The following HMG20B variants were observed in gnomAD, a reference collection of about 807,000 sequenced individuals.
The protein encoded by HMG20B is SWI/SNF-related matrix-associated actin-dependent regulator of chromatin subfamily E member 1-related.
HMG20B carries 24 observed loss-of-function variants against 41.6 expected under a neutral mutation model. That is an observed-to-expected ratio of 0.58 (90% CI 0.42 to 0.81). The LOEUF is 0.81. Among genes scored for constraint, HMG20B ranks in the 30% least tolerant of loss-of-function variants. HMG20B has a pLI of 0.00. For synonymous variants in HMG20B, 251 were observed against 186.6 expected (o/e 1.34, Z -2.81); for missense variants, 461 against 444.0 (o/e 1.04, Z -0.34).
chr19:3,577,819 C>G (rs1168584636), intron 8 of HMG20B, among the ~76,000 whole-genome samples, 162 bp from the exon 9 acceptor site: 1 of 151,724 alleles, frequency 6.6e-6, no homozygotes, highest in East Asian at 2.0e-4. Context: ...ATCCTCCTGC[C>G]CCGGCTTACC....
intron 5 of HMG20B, 182 bp downstream of exon 5, chr19:3,575,842 G>A (rs2032146535): frequency 1.8e-6 from 1 of 553,352 alleles, no homozygotes; most frequent in Admixed American, 3.1e-5. Context: ...TACTCGGGAG[G>A]CTGAGGCAGG....
At position 3,577,975 on chromosome 19, in the gene HMG20B, CCCCAGGCACGGGCGAAACG is replaced by C; in HGVS notation, c.809-1_826del. Reference sequence around the variant, plus strand: ...CCCTCGCCTGACCTTCCCGCCTGTCCCCCAGGCACGGGCGAAACGCCCACGCTGGGCACTCTGGACTTCT... The same window carrying C: ...CCCTCGCCTGACCTTCCCGCCTGTCCCCCACGCTGGGCACTCTGGACTTCT... On this transcript the variant is annotated splice_acceptor_variant and splice_polypyrimidine_tract_variant and coding_sequence_variant and intron_variant, in exon 9 of 10. Transcript: ENST00000333651. LOFTEE classifies it high-confidence loss of function. 1 of 1,590,000 alleles carries C rather than the reference CCCCAGGCACGGGCGAAACG, an allele frequency of 6.3e-7. No homozygotes were observed. The highest frequency in any genetic ancestry group is 8.5e-7 in the Non-Finnish European group (1 of 1,171,442).
intron 9 of HMG20B, 31 bp downstream of exon 9, chr19:3,578,144 G>C: frequency 6.2e-7 from 1 of 1,602,674 alleles, no homozygotes; most frequent in Non-Finnish European, 8.5e-7. Context: ...GGCGGGGCCG[G>C]GGTTCAAGGC....
intron 1 of HMG20B, 126 bp from the exon 2 acceptor site, chr19:3,573,166 T>G: frequency 1.4e-6 from 1 of 712,038 alleles, no homozygotes; most frequent in Non-Finnish European, 2.1e-6. Flanking sequence ...TCCCTGCCCC[T>G]GGATCCGGCC....
chr19:3,577,186 CTTCCCCTG>C, intron 8 of HMG20B, 79 bp downstream of exon 8: 2 of 1,081,520 alleles, frequency 1.8e-6, no homozygotes, highest in Non-Finnish European at 1.3e-6. Flanking sequence ...CCCTTCCCCC[CTTCCCCTG>C]TCGCCCGGCG....
intron 3 of HMG20B, 106 bp downstream of exon 3, chr19:3,573,906 A>C: frequency 9.2e-7 from 1 of 1,084,960 alleles, no homozygotes; most frequent in Non-Finnish European, 1.4e-6. Context: ...CCCACAGCCC[A>C]TTTTCCTCTG....
Position 3,574,466 on chromosome 19 carries a change from C to T in HMG20B, c.231C>T (p.Tyr77=), listed in dbSNP as rs200359039. Residue 77 remains tyrosine (Y), a synonymous_variant, in exon 4 of 10, where the codon TAC becomes TAT. Transcript: ENST00000333651. ...PNGPKAPVTG[Y]VRFLNERREQ... ...GGCCCAAGGCACCGGTCACGGGCTA[C>T]GTGCGCTTCCTGAACGAGCGGCGCG... The T allele has an allele frequency of 1.7e-4, 273 of 1,609,144 alleles. No individual in the cohort carries two copies. In the African/African-American group the frequency reaches 3.3e-3, roughly 19 times the overall value.
chr19:3,578,919 T>G lies in HMG20B; in HGVS notation c.*398T>G. ...ATAGGCCACACAGGAAGCTGCCTTG[T>G]GGGGACTTACCTGGGGTGTCCCCCG... On this transcript the variant is annotated 3_prime_UTR_variant, in exon 10 of 10. Coordinates refer to ENST00000333651, the MANE Select transcript of HMG20B (RefSeq NM_006339.3). 1 of 477,084 alleles carries G rather than the reference T, an allele frequency of 2.1e-6. No individual in the cohort carries two copies. The allele number at this position is 477,084 out of a possible 1,614,324, so 29.6% of individuals were successfully genotyped here. A position where few individuals can be genotyped will look rare whatever the true frequency, so the allele number is the denominator to read the frequency against.
rs906212851 is a variant in HMG20B at position 3,578,584 on chromosome 19, C to T, written c.*63C>T. On this transcript the variant is annotated 3_prime_UTR_variant, in exon 10 of 10. Coordinates refer to ENST00000333651, the MANE Select transcript of HMG20B (RefSeq NM_006339.3). ...GGCGCGGCCCTGCCACACCCCACCCCGTGGACGAGAGGCTGGGGGTCCACC... is the reference window on the plus strand; with the variant it reads ...GGCGCGGCCCTGCCACACCCCACCCTGTGGACGAGAGGCTGGGGGTCCACC... 6.5e-7 allele frequency: 1 copy of T among 1,548,382 alleles called. No homozygotes were observed. The highest frequency in any genetic ancestry group is 8.7e-7 in the Non-Finnish European group (1 of 1,144,864).
Position 3,574,527 on chromosome 19 carries a change from C to G in HMG20B, c.292C>G (p.Pro98Ala), listed in dbSNP as rs1484036190. 1.2e-6 allele frequency: 2 copies of G among 1,606,022 alleles called. No homozygotes were observed. Among genetic ancestry groups the G allele is most frequent in the South Asian group, 1.1e-5 (1 of 90,004 alleles). Residue 98 changes from proline (P) to alanine (A), a missense_variant, in exon 4 of 10, where the codon CCC becomes GCC. Physicochemically the swap from Pro to Ala is conservative, Grantham distance 27. This residue lies in a region of HMG20B where 49 missense variants were observed against 84.1 expected (regional missense o/e 0.58). Coordinates refer to ENST00000333651, the MANE Select transcript of HMG20B (RefSeq NM_006339.3). ...CACGCGCCACCCGGATCTGCCCTTT[C>G]CCGAGATCACCAAGATGCTGGGCGC... ...IRTRHPDLPF[P>A]EITKMLGAEW...
rs1178264602 is a variant in HMG20B, at chr19:3,577,106, G to A, written c.807G>A (p.Pro269=). 2.0e-6 allele frequency: 3 copies of A among 1,528,194 alleles called. No individual in the cohort carries two copies. The highest frequency in any genetic ancestry group is 1.4e-5 in the African/African-American group (1 of 72,640). 94.7% of individuals were successfully genotyped at this position (1,528,194 alleles called of 1,614,324 possible). ...LTASFASLPV[P]GTGETPTLGT... ...CCAGCTTCGCCTCACTGCCGGTGCC[G>A]GGTGCGGGCCACGCCCATCTCCCAG... Residue 269 remains proline, a splice_region_variant and synonymous_variant, in exon 8 of 10, where the codon CCG becomes CCA. Transcript: ENST00000333651.
intron 2 of HMG20B, 76 bp downstream of exon 2, chr19:3,573,423 G>C: frequency 7.2e-7 from 1 of 1,396,960 alleles, no homozygotes; most frequent in Non-Finnish European, 9.5e-7. Flanking sequence ...CCCTGACCCA[G>C]TCCCTCCCGC....
chr19:3,573,638 T>C, intron 2 of HMG20B, 54 bp from the exon 3 acceptor site: 2 of 1,413,134 alleles, frequency 1.4e-6, no homozygotes, highest in Non-Finnish European at 1.9e-6. Context: ...GGGTGGGCTT[T>C]TGGGGGAGGG....
chr19:3,574,638 C>T, intron 4 of HMG20B, 52 bp downstream of exon 4: 1 of 1,474,968 alleles, frequency 6.8e-7, no homozygotes, highest in Non-Finnish European at 9.1e-7. Flanking sequence ...GGACTACCCC[C>T]CAGTAGCCCC....
intron 5 of HMG20B, chr19:3,576,016 G>A: frequency 1.7e-6 from 1 of 587,084 alleles, no homozygotes; most frequent in Non-Finnish European, 3.0e-6. Context: ...GTCCTGCTCT[G>A]TGGGGTGCGA....
At chr19:3,576,721 C>A in intron 7 of HMG20B, 96 bp downstream of exon 7, 2 of 1,302,042 alleles carry the variant, frequency 1.5e-6, no homozygotes, top group Non-Finnish European at 2.2e-6. Context: ...GGAGGCGGAT[C>A]GGGAGGTTCC....
intron 1 of HMG20B, 28 bp from the exon 2 acceptor site, chr19:3,573,264 C>T: frequency 6.6e-7 from 1 of 1,510,524 alleles, no homozygotes; most frequent in Non-Finnish European, 8.8e-7. Flanking sequence ...CCGGGCGCTA[C>T]TCACCTCCGC....
rs770200156 is a variant in HMG20B, at chr19:3,576,550, T to C, written c.520-3T>C. ...AAATTGCCACCTTGTCCCTTCGTCT[T>C]AGGGTGGGGACTGCGATGGCTTCTC... On this transcript the variant is annotated splice_polypyrimidine_tract_variant and splice_region_variant and intron_variant, in intron 6 of 9. Coordinates refer to ENST00000333651, the MANE Select transcript of HMG20B (RefSeq NM_006339.3). 1.9e-6 allele frequency: 3 copies of C among 1,612,272 alleles called. No homozygotes were observed. Among genetic ancestry groups the C allele is most frequent in the African/African-American group, 1.3e-5 (1 of 75,018 alleles).
At chr19:3,573,495 C>A (rs1050537466) in intron 2 of HMG20B, 148 bp downstream of exon 2, 75 of 953,556 alleles carry the variant, frequency 7.9e-5, no homozygotes, top group Non-Finnish European at 8.9e-6. Flanking sequence ...TCTGCACCCC[C>A]CACCTCGGCC....
Sources: allele counts gnomAD v4.1 joint callset (sites outside exome capture counted in the v4.1 genomes callset), GRCh38; gene constraint gnomAD v4.1.1; regional missense constraint gnomAD v4.1.1; transcripts MANE v1.5; gene names NCBI Gene and HGNC (gene_info 2026-07-23, HGNC 2026-07-21).